BBS2: variants seen among roughly 807,000 people sequenced by gnomAD.
BBS2 encodes Bardet-Biedl syndrome 2.
Under a neutral mutation model 83.0 loss-of-function variants are expected in BBS2, and 62 were observed. The observed-to-expected ratio is 0.75, with a 90% CI of 0.61 to 0.92. The LOEUF (loss-of-function observed/expected upper bound fraction) is 0.92, where lower values mean the gene tolerates loss of function less well. BBS2 is among the 40% of genes least tolerant of loss of function. The probability of loss-of-function intolerance (pLI) is 0.00; values close to 1 mark genes in which losing one functional copy is unlikely to be tolerated. For missense variants in BBS2, 784 were observed against 901.0 expected, an observed-to-expected ratio of 0.87 and a Z score of 1.66; for synonymous variants, 303 against 326.1, an observed-to-expected ratio of 0.93 and a Z score of 0.76.
chr16:56,470,707 A>G (rs751256753), intron 17 of BBS2: 2 of 1,614,050 alleles, frequency 1.2e-6, no homozygotes, highest in African/African-American at 1.3e-5. Context: ...TGAGCCAGAG[A>G]ATAATCAGAT....
At chr16:56,496,788 C>T (rs1964126411) in intron 15 of BBS2, among the ~76,000 whole-genome samples, 179 bp downstream of exon 15, 1 of 152,168 alleles carries the variant, frequency 6.6e-6, no homozygotes, top group Non-Finnish European at 1.5e-5. Context: ...AAGCTATAAA[C>T]CAGGAATAGA....
At chr16:56,472,675 T>G (rs531709799) in intron 17 of BBS2, among the ~76,000 whole-genome samples, 6 of 152,218 alleles carry the variant, frequency 3.9e-5, no homozygotes, top group Non-Finnish European at 8.8e-5. Context: ...AGTGGCCATA[T>G]TAGCATTTGG....
chr16:56,474,751 A>C, intron 17 of BBS2: 1 of 1,185,772 alleles, frequency 8.4e-7, no homozygotes, highest in Non-Finnish European at 1.2e-6. Context: ...TATCATTCCT[A>C]ATTATGATTC....
In BBS2 at chr16:56,511,427, C is replaced by G. The variant is rs1784762274; in HGVS notation, c.346-143G>C. On this transcript the variant is annotated intron_variant, in intron 2 of 16. Transcript: ENST00000245157. The stretch of plus-strand genomic sequence containing the variant: ...AATGTGGGTGGGCCTCACACATTAA[C>G]TGGCCCACGCACATATGGATAATAA... 2.0e-5 allele frequency: 21 copies of G among 1,036,990 alleles called. No individual in the cohort carries two copies. The South Asian group carries it at 2.2e-4, about 11-fold the overall frequency. The allele number at this position is 1,036,990 out of a possible 1,614,324, so 64.2% of individuals were successfully genotyped here. A position where few individuals can be genotyped will look rare whatever the true frequency, so the allele number is the denominator to read the frequency against.
chr16:56,515,894 A>C (rs1446887726), intron 1 of BBS2, among the ~76,000 whole-genome samples: 1 of 152,188 alleles, frequency 6.6e-6, no homozygotes, highest in Admixed American at 6.5e-5. Flanking sequence ...TGACAGGGCT[A>C]AGACAAGAGC....
At position 56,486,867 on chromosome 16, in the gene BBS2, A is replaced by C. The variant is rs186166969; in HGVS notation, c.1911-1129T>G. ...AACCTCCACCTCCCAGGTTCAAGTG[A>C]TTCTCCTGCCTCAGCCTCCTGAATA... On this transcript the variant is annotated intron_variant, in intron 15 of 16. Transcript: ENST00000245157. 3.1e-3 allele frequency among the ~76,000 whole-genome samples: 457 copies of C among 146,634 alleles called. 5 individuals are homozygous for C. Among genetic ancestry groups the C allele is most frequent in the African/African-American group, 0.011 (429 of 39,350 alleles).
At position 56,509,953 on chromosome 16, in the gene BBS2, T is replaced by C; in HGVS notation, c.612+4A>G. 1 of 1,613,962 alleles carries C rather than the reference T, an allele frequency of 6.2e-7. No homozygotes were observed. The highest frequency in any genetic ancestry group is 8.5e-7 in the Non-Finnish European group (1 of 1,179,866). On this transcript the variant is annotated splice_donor_region_variant and intron_variant, in intron 5 of 16. Transcript: ENST00000245157. ...TTACCATAGTTCGAGGTGGAGCTTC[T>C]TACCTCTGTTTCTGTCATTTCTGCC...
chr16:56,480,507 C>T (rs907242571), downstream of BBS2, among the ~76,000 whole-genome samples: 3 of 151,912 alleles, frequency 2.0e-5, no homozygotes, highest in Non-Finnish European at 2.9e-5. Context: ...CCTCTGCCTC[C>T]CAGGTTCAAG....
At chr16:56,474,796 T>C in intron 17 of BBS2, 2 of 1,585,108 alleles carry the variant, frequency 1.3e-6, no homozygotes, top group Non-Finnish European at 1.7e-6. Flanking sequence ...AGGTTATTTT[T>C]TAAAGTTTCT....
intron 6 of BBS2, 27 bp downstream of exon 6, chr16:56,506,093 G>C: frequency 6.2e-7 from 1 of 1,607,918 alleles, no homozygotes. Flanking sequence ...TCAAGCGCCT[G>C]AATATCAAAG....
chr16:56,502,264 C>G lies in BBS2; in HGVS notation c.1080+53G>C, dbSNP rs968921575. 1.7e-5 allele frequency: 27 copies of G among 1,612,050 alleles called. No individual in the cohort carries two copies. The African/African-American group carries it at 3.5e-4, about 21-fold the overall frequency. Reference sequence around the variant, plus strand: ...TTCCATATTTGCTGATCCTCCCGGTCAGTCTCAACATTTCAGCCTCCATTA... The same window carrying G: ...TTCCATATTTGCTGATCCTCCCGGTGAGTCTCAACATTTCAGCCTCCATTA... On this transcript the variant is annotated intron_variant, in intron 9 of 16. Coordinates refer to ENST00000245157, the MANE Select transcript of BBS2 (RefSeq NM_031885.5).
At chr16:56,486,226 TG>T (rs113680720) in intron 15 of BBS2, among the ~76,000 whole-genome samples, 11 of 152,348 alleles carry the variant, frequency 7.2e-5, no homozygotes, top group African/African-American at 2.6e-4. Context: ...AGCAAAGATG[TG>T]GGACAACTGG....
intron 17 of BBS2, chr16:56,475,369 G>T (rs1596992515): frequency 1.3e-6 from 1 of 793,704 alleles, no homozygotes; most frequent in Non-Finnish European, 2.2e-6. Flanking sequence ...ATAAGTTCAA[G>T]CTCATAAGTC....
chr16:56,514,767 A>G, intron 1 of BBS2, 87 bp from the exon 2 acceptor site: 1 of 982,122 alleles, frequency 1.0e-6, no homozygotes, highest in African/African-American at 1.6e-5. Flanking sequence ...GGTTATTAAC[A>G]CATCCACATT....
intron 7 of BBS2, among the ~76,000 whole-genome samples, chr16:56,505,034 T>C (rs1234932316): frequency 2.6e-5 from 4 of 152,220 alleles, no homozygotes; most frequent in African/African-American, 4.8e-5. Context: ...TGCCAACACC[T>C]TGATGGGGGC....
At chr16:56,502,182 C>T in intron 9 of BBS2, 135 bp downstream of exon 9, 1 of 1,143,612 alleles carries the variant, frequency 8.7e-7, no homozygotes, top group Non-Finnish European at 1.3e-6. Flanking sequence ...AGCATATATC[C>T]CCTCTCAATT....
chr16:56,476,281 C>G lies in BBS2; in HGVS notation c.*1-5586G>C, dbSNP rs866106680. On this transcript the variant is annotated intron_variant, in intron 17 of 17. Coordinates refer to the BBS2 transcript ENST00000682047. ...AGTCTGAAAGAGCTAAGCATGGAGT[C>G]AAGGAGAACTACATGGTAGCTTGCC... 17 of 1,370,428 alleles carry G rather than the reference C, an allele frequency of 1.2e-5. No individual in the cohort carries two copies. In the South Asian group the frequency reaches 2.3e-4, roughly 19 times the overall value. The allele number at this position is 1,370,428 out of a possible 1,614,324, so 84.9% of individuals were successfully genotyped here. A position where few individuals can be genotyped will look rare whatever the true frequency, so the allele number is the denominator to read the frequency against.
At chr16:56,508,862 G>C (rs1039741434) in intron 5 of BBS2, among the ~76,000 whole-genome samples, 1 of 151,716 alleles carries the variant, frequency 6.6e-6, no homozygotes, top group Non-Finnish European at 1.5e-5. Flanking sequence ...TTGCCCAGGC[G>C]GGTCTCAAAC....
chr16:56,493,466 G>T (rs1375726954), intron 15 of BBS2, among the ~76,000 whole-genome samples: 1 of 151,664 alleles, frequency 6.6e-6, no homozygotes, highest in African/African-American at 2.4e-5. Context: ...CATGAAGAGG[G>T]GTGTGTGTGT....
Sources: gnomAD v4.1 joint callset for allele counts (sites outside exome capture counted in the v4.1 genomes callset) on GRCh38, gnomAD v4.1.1 for gene constraint, MANE v1.5 for transcripts, NCBI Gene and HGNC (gene_info 2026-07-23, HGNC 2026-07-21) for gene names.